Variants in ID3 observed in about 807,000 individuals in gnomAD.
ID3 encodes the protein inhibitor of DNA binding 3, also known as DNA-binding protein inhibitor ID-3.
ID3 carries 4 observed loss-of-function variants against 9.6 expected under a neutral mutation model. The observed-to-expected ratio is 0.42, with a 90% CI of 0.21 to 0.96. ID3 has a LOEUF of 0.96. Among genes scored for constraint, ID3 ranks in the 40% least tolerant of loss-of-function variants. ID3 has a pLI of 0.30. For missense variants in ID3, 191 were observed against 164.5 expected (o/e 1.16, Z -0.88); for synonymous variants, 108 against 75.2 (o/e 1.44, Z -2.26).
Position 23,559,162 on chromosome 1 carries a change from G to A in ID3, c.265C>T (p.Pro89Ser), listed in dbSNP as rs1276585913. 2.5e-6 allele frequency: 4 copies of A among 1,614,206 alleles called. No individual in the cohort carries two copies. In the Admixed American group the frequency reaches 6.7e-5, roughly 27 times the overall value. The change falls in exon 1 of 3, where the codon CCT (proline) becomes TCT (serine). Residue 89 changes from proline (P) to serine (S), a missense_variant. Pro to Ser is a moderately conservative substitution (Grantham distance 74, BLOSUM62 -1). Coordinates refer to ENST00000374561, the MANE Select transcript of ID3 (RefSeq NM_002167.5). The stretch of plus-strand genomic sequence containing the variant: ...AGGTGGGGGCCATCAGGGGGTCCAG[G>A]GGCTGGCTCGGCCAGGACTACCTGC... ...DLQVVLAEPAPGPPDGPHLPI... is the reference protein window; with the variant it reads ...DLQVVLAEPASGPPDGPHLPI...
In ID3 at chr1:23,558,923, G is replaced by A. The variant is rs747846537; in HGVS notation, c.*25+12C>T. 1.3e-5 allele frequency: 20 copies of A among 1,584,504 alleles called. 1 individual carries two copies. The South Asian group carries it at 1.6e-4, about 12-fold the overall frequency. On this transcript the variant is annotated intron_variant, in intron 2 of 2. Transcript: ENST00000374561. ...CGTTTAAACCTCCCTCTCCAAGAGA[G>A]GAGATACTCACCTGGAGGTGTCAGG...
chr1:23,558,974 T>C lies in ID3; in HGVS notation c.346A>G (p.Ser116Gly), dbSNP rs369324511. 3.7e-6 allele frequency: 6 copies of C among 1,613,954 alleles called. No individual in the cohort carries two copies. In the African/African-American group the frequency reaches 8.0e-5, roughly 22 times the overall value. ...PELVISNDKR[S>G]FCH ...ACACGGCCGAGTCAGTGGCAAAAGC[T>C]CCTTTTGTCGTTGGAGATGACAAGT... Residue 116 changes from serine to glycine, a missense_variant, in exon 2 of 3, where the codon AGC becomes GGC. Ser to Gly is a moderately conservative substitution (Grantham distance 56). Transcript: ENST00000374561.
intron 2 of ID3, 176 bp downstream of exon 2, chr1:23,558,759 A>G: frequency 3.3e-6 from 2 of 598,278 alleles, no homozygotes; most frequent in Admixed American, 5.8e-5. Context: ...TTTAAGGCTT[A>G]AATGCACATC....
In ID3 at chr1:23,558,943, G is replaced by A. The variant is rs549003915; in HGVS notation, c.*17C>T. 3 of 1,611,180 alleles carry A rather than the reference G, an allele frequency of 1.9e-6. No individual in the cohort carries two copies. The Admixed American group carries it at 5.0e-5, about 27-fold the overall frequency. ...AGAGAGGAGATACTCACCTGGAGGT[G>A]TCAGGACACGGCCGAGTCAGTGGCA... On this transcript the variant is annotated 3_prime_UTR_variant, in exon 2 of 3. Coordinates refer to ENST00000374561, the MANE Select transcript of ID3 (RefSeq NM_002167.5).
chr1:23,559,464 A>G lies in ID3; in HGVS notation c.-38T>C. ...GTCCAGAGGTGCCCCAAAGAGAAAG[A>G]AAACCAAAAGAAGTCCCGCTACAGT... On this transcript the variant is annotated 5_prime_UTR_variant, in exon 1 of 3. Transcript: ENST00000374561. 1 of 1,589,058 alleles carries G rather than the reference A, an allele frequency of 6.3e-7. No individual in the cohort carries two copies. Among genetic ancestry groups the G allele is most frequent in the Non-Finnish European group, 8.6e-7 (1 of 1,166,554 alleles).
intron 2 of ID3, 153 bp downstream of exon 2, chr1:23,558,782 A>C: frequency 1.6e-6 from 1 of 613,084 alleles, no homozygotes; most frequent in Non-Finnish European, 2.9e-6. Context: ...ATGGAAACTG[A>C]CTCTGCCATT....
At position 23,559,144 on chromosome 1, in the gene ID3, G is replaced by C; in HGVS notation, c.283C>G (p.Pro95Ala). ...AGGCTTACCTGGATGGGAAGGTGGG[G>C]GCCATCAGGGGGTCCAGGGGCTGGC... ...AEPAPGPPDG[P>A]HLPIQTAELT... Residue 95 changes from proline (P) to alanine (A), a missense_variant, in exon 1 of 3, where the codon CCC (proline) becomes GCC (alanine). Transcript: ENST00000374561. The C allele has an allele frequency of 6.2e-7, 1 of 1,614,032 alleles. No individual in the cohort carries two copies. The highest frequency in any genetic ancestry group is 8.5e-7 in the Non-Finnish European group (1 of 1,179,892).
Position 23,559,479 on chromosome 1 carries a change from C to A in ID3, c.-53G>T. Reference sequence around the variant, plus strand: ...AAAGAGAAAGAAAACCAAAAGAAGTCCCGCTACAGTGACCTGCAACGCGCG... The same window carrying A: ...AAAGAGAAAGAAAACCAAAAGAAGTACCGCTACAGTGACCTGCAACGCGCG... On this transcript the variant is annotated 5_prime_UTR_variant, in exon 1 of 3. Coordinates refer to ENST00000374561, the MANE Select transcript of ID3 (RefSeq NM_002167.5). The A allele has an allele frequency of 1.9e-6, 3 of 1,564,460 alleles. No homozygotes were observed. The highest frequency in any genetic ancestry group is 2.3e-5 in the South Asian group (2 of 85,818).
In ID3 at chr1:23,558,116, C is replaced by G. The variant is rs1311926632; in HGVS notation, c.*325G>C. 1 of 152,756 alleles carries G rather than the reference C, an allele frequency of 6.5e-6. No homozygotes were observed. The highest frequency in any genetic ancestry group is 1.5e-5 in the Non-Finnish European group (1 of 68,170). The allele number at this position is 152,756 out of a possible 1,614,324, so 9.5% of individuals were successfully genotyped here. On this transcript the variant is annotated 3_prime_UTR_variant, in exon 3 of 3. Transcript: ENST00000374561. ...GAGACCAGAAGACCAGCTCTGCCGC[C>G]GCCTTGGCATAGTTTGGAGAGCAGC...
At position 23,559,354 on chromosome 1, in the gene ID3, C is replaced by A. The variant is rs201368186; in HGVS notation, c.73G>T (p.Ala25Ser). The A allele has an allele frequency of 5.6e-5, 91 of 1,613,388 alleles. 1 individual carries two copies. The Admixed American group carries it at 1.5e-3, about 26-fold the overall frequency. The change falls in exon 1 of 3, where the codon GCC becomes TCC. Residue 25 changes from alanine (A) to serine (S), a missense_variant. By Grantham distance (99) the Ala-to-Ser change is moderately conservative. Transcript: ENST00000374561. ...CCLSERSLAIARGRGKGPAAE... is the reference protein window; with the variant it reads ...CCLSERSLAISRGRGKGPAAE... The stretch of plus-strand genomic sequence containing the variant: ...GCCGGGCCCTTCCCTCGGCCCCGGG[C>A]GATGGCCAGACTGCGTTCCGACAGG...
rs890931555 is a variant in ID3 at position 23,558,213 on chromosome 1, G to C, written c.*228C>G. On this transcript the variant is annotated 3_prime_UTR_variant, in exon 3 of 3. Coordinates refer to ENST00000374561, the MANE Select transcript of ID3 (RefSeq NM_002167.5). ...GGTGGGGTGGGAGCAGGGTGACGTC[G>C]CCCAGCTGGTGGCCAGAGCTAGCTC... 6.5e-6 allele frequency: 1 copy of C among 152,700 alleles called. No individual in the cohort carries two copies. The highest frequency in any genetic ancestry group is 1.5e-5 in the Non-Finnish European group (1 of 68,122). 9.5% of individuals were successfully genotyped at this position (152,700 alleles called of 1,614,324 possible).
chr1:23,559,406 C>T lies in ID3; in HGVS notation c.21G>A (p.Val7=). Residue 7 remains valine, a synonymous_variant, in exon 1 of 3, where the codon GTG becomes GTA. Transcript: ENST00000374561. MKALSP[V]RGCYEAVCCL... ...AGCACACCGCCTCGTAGCAGCCGCG[C>T]ACCGGGCTCAGCGCCTTCATGCTGG... 1 of 1,612,350 alleles carries T rather than the reference C, an allele frequency of 6.2e-7. No homozygotes were observed. Among genetic ancestry groups the T allele is most frequent in the Non-Finnish European group, 8.5e-7 (1 of 1,179,532 alleles).
chr1:23,559,033 A>G lies in ID3; in HGVS notation c.301-14T>C, dbSNP rs1488674484. ...GAGCTCGGCTGTCTGATTAGAGGAAAAGAGGGAAGAGTTACGCGAGGCAAT... is the reference window on the plus strand; with the variant it reads ...GAGCTCGGCTGTCTGATTAGAGGAAGAGAGGGAAGAGTTACGCGAGGCAAT... On this transcript the variant is annotated splice_polypyrimidine_tract_variant and intron_variant, in intron 1 of 2. Coordinates refer to ENST00000374561, the MANE Select transcript of ID3 (RefSeq NM_002167.5). 1.2e-6 allele frequency: 2 copies of G among 1,613,850 alleles called. No individual in the cohort carries two copies. The highest frequency in any genetic ancestry group is 1.7e-6 in the Non-Finnish European group (2 of 1,179,838).
At chr1:23,558,815 G>A (rs1643680384) in intron 2 of ID3, 120 bp downstream of exon 2, 3 of 658,272 alleles carry the variant, frequency 4.6e-6, no homozygotes, top group Admixed American at 4.9e-5. Context: ...CCATGGGCAA[G>A]TCACTTGTCC....
rs199661785 is a variant in ID3 at position 23,559,417 on chromosome 1, G to C, written c.10C>G (p.Leu4Val). The C allele has an allele frequency of 4.3e-5, 70 of 1,612,038 alleles. No homozygotes were observed. In the Admixed American group the frequency reaches 8.5e-4, roughly 20 times the overall value. Residue 4 changes from leucine to valine, a missense_variant, in exon 1 of 3, where the codon CTG becomes GTG. Coordinates refer to ENST00000374561, the MANE Select transcript of ID3 (RefSeq NM_002167.5). Reference sequence around the variant, plus strand: ...TCGTAGCAGCCGCGCACCGGGCTCAGCGCCTTCATGCTGGGGAGTGAGTCC... The same window carrying C: ...TCGTAGCAGCCGCGCACCGGGCTCACCGCCTTCATGCTGGGGAGTGAGTCC... MKA[L>V]SPVRGCYEAV...
Position 23,559,192 on chromosome 1 carries a change from C to G in ID3, c.235G>C (p.Asp79His). The G allele has an allele frequency of 6.2e-7, 1 of 1,614,154 alleles. No homozygotes were observed. Among genetic ancestry groups the G allele is most frequent in the Non-Finnish European group, 8.5e-7 (1 of 1,180,032 alleles). ...ILQRVIDYILDLQVVLAEPAP... is the reference protein window; with the variant it reads ...ILQRVIDYILHLQVVLAEPAP... ...GGCTCGGCCAGGACTACCTGCAGGT[C>G]GAGAATGTAGTCGATGACGCGCTGT... Residue 79 changes from aspartate (D) to histidine (H), a missense_variant, in exon 1 of 3, where the codon GAC becomes CAC. Asp to His is a moderately conservative substitution (Grantham distance 81). Coordinates refer to ENST00000374561, the MANE Select transcript of ID3 (RefSeq NM_002167.5).
rs2124329986 is a variant in ID3 at position 23,559,165 on chromosome 1, C to A, written c.262G>T (p.Ala88Ser). Residue 88 changes from alanine (A) to serine (S), a missense_variant, in exon 1 of 3, where the codon GCC (alanine) becomes TCC (serine). Transcript: ENST00000374561. ...TGGGGGCCATCAGGGGGTCCAGGGG[C>A]TGGCTCGGCCAGGACTACCTGCAGG... ...LDLQVVLAEP[A>S]PGPPDGPHLP... The A allele has an allele frequency of 6.2e-7, 1 of 1,614,190 alleles. No individual in the cohort carries two copies. Among genetic ancestry groups the A allele is most frequent in the South Asian group, 1.1e-5 (1 of 91,082 alleles).
Position 23,557,959 on chromosome 1 carries a change from A to C in ID3, c.*482T>G, listed in dbSNP as rs1055740236. ...TGTTTAAAAATCGTTTATTATGCAA[A>C]ATGTTAACTTTTATAAAAAGTTTAA... On this transcript the variant is annotated 3_prime_UTR_variant, in exon 3 of 3. Coordinates refer to ENST00000374561, the MANE Select transcript of ID3 (RefSeq NM_002167.5). The C allele has an allele frequency of 1.3e-5, 2 of 152,642 alleles. No homozygotes were observed. The highest frequency in any genetic ancestry group is 4.8e-5 in the African/African-American group (2 of 41,440). The allele number at this position is 152,642 out of a possible 1,614,324, so 9.5% of individuals were successfully genotyped here.
intron 2 of ID3, chr1:23,558,666 G>C: frequency 2.2e-6 from 1 of 445,536 alleles, no homozygotes; most frequent in Non-Finnish European, 4.1e-6. Context: ...ATACAACATG[G>C]AACAGAAAGA....
Sources: gnomAD v4.1 joint callset for allele counts on GRCh38, gnomAD v4.1.1 for gene constraint, MANE v1.5 for transcripts, NCBI Gene and HGNC (gene_info 2026-07-23, HGNC 2026-07-21) for gene names.